Variants in STMN2 observed in about 807,000 individuals in gnomAD.
STMN2 encodes the protein stathmin-2.
Under a neutral mutation model 24.1 loss-of-function variants are expected in STMN2, and 2 were observed. The observed-to-expected ratio is 0.08, with a 90% CI of 0.03 to 0.26. The LOEUF is 0.26. Among genes scored for constraint, STMN2 ranks in the 10% least tolerant of loss-of-function variants. STMN2 has a pLI of 1.00. For missense variants in STMN2, 114 were observed against 213.6 expected, an observed-to-expected ratio of 0.53 and a Z score of 2.91; for synonymous variants, 83 against 77.5, an observed-to-expected ratio of 1.07 and a Z score of -0.37.
At chr8:79,655,180 T>C in intron 4 of STMN2, 118 bp downstream of exon 4, 1 of 1,126,832 alleles carries the variant, frequency 8.9e-7, no homozygotes, top group Non-Finnish European at 1.3e-6. Flanking sequence ...TGAGGACAAC[T>C]AACTCCCATG....
rs182488278 is a variant in STMN2, at chr8:79,639,736, T to C, written c.116-1642T>C. On this transcript the variant is annotated intron_variant, in intron 2 of 4. Transcript: ENST00000220876. ...AAAAATTGTATATGTTTGCGGTGTA[T>C]GGCATATTTTGAAATATGTATACAT... Among the ~76,000 whole-genome samples, 38 of 152,326 alleles carry C rather than the reference T, an allele frequency of 2.5e-4. No homozygotes were observed. The East Asian group carries it at 4.2e-3, about 17-fold the overall frequency.
chr8:79,660,803 C>T (rs1806485864), intron 4 of STMN2, among the ~76,000 whole-genome samples: 1 of 151,944 alleles, frequency 6.6e-6, no homozygotes, highest in Non-Finnish European at 1.5e-5. Flanking sequence ...CTCGCCCCCA[C>T]TCCCAACCTT....
chr8:79,613,369 C>T, intron 1 of STMN2: 1 of 985,210 alleles, frequency 1.0e-6, no homozygotes, highest in Non-Finnish European at 1.2e-6. Context: ...CGCGCCGCGC[C>T]CTGCGCTCCC....
At chr8:79,643,228 C>CTATA (rs34434345) in intron 3 of STMN2, among the ~76,000 whole-genome samples, 144 of 142,234 alleles carry the variant, frequency 1.0e-3, no homozygotes, top group African/African-American at 3.3e-3. Context: ...ACTAACTCGA[C>CTATA]TATATATATA....
chr8:79,616,641 A>G (rs1809387813), intron 1 of STMN2, among the ~76,000 whole-genome samples: 2 of 152,224 alleles, frequency 1.3e-5, no homozygotes, highest in Admixed American at 1.3e-4. Context: ...CTTGTAATAT[A>G]CAGGTATCCC....
chr8:79,621,104 A>G, intron 1 of STMN2: 2 of 893,354 alleles, frequency 2.2e-6, no homozygotes, highest in South Asian at 5.2e-5. Context: ...CTGGTGCTGC[A>G]TGGAAGGAAG....
intron 1 of STMN2, among the ~76,000 whole-genome samples, chr8:79,635,331 G>A (rs1167231116): frequency 6.6e-6 from 1 of 152,174 alleles, no homozygotes; most frequent in South Asian, 2.1e-4. Context: ...CGAGGGCTTT[G>A]GTGTGTGTAG....
chr8:79,640,541 C>G lies in STMN2; in HGVS notation c.116-837C>G, dbSNP rs553020629. 3.9e-5 allele frequency among the ~76,000 whole-genome samples: 6 copies of G among 152,328 alleles called. No homozygotes were observed. In the South Asian group the frequency reaches 1.0e-3, roughly 26 times the overall value. ...CCCTCCTCCACCACAGTGGCTCTAT[C>G]CCTGGCTCCTGGCTCCAGCCGAGTA... On this transcript the variant is annotated intron_variant, in intron 2 of 4. Transcript: ENST00000220876.
intron 3 of STMN2, among the ~76,000 whole-genome samples, chr8:79,651,987 C>A (rs961137187): frequency 1.1e-4 from 17 of 152,178 alleles, no homozygotes; most frequent in African/African-American, 3.9e-4. Flanking sequence ...GGAGGAGGAG[C>A]AGGAAGGAAT....
intron 1 of STMN2, among the ~76,000 whole-genome samples, chr8:79,616,169 C>T (rs1809377889): frequency 6.6e-6 from 1 of 152,094 alleles, no homozygotes; most frequent in Non-Finnish European, 1.5e-5. Context: ...TTATTTTTCC[C>T]ATCTTCTAAG....
chr8:79,624,475 A>AAAAAAAAAAAG (rs1809604532), intron 1 of STMN2, among the ~76,000 whole-genome samples: 1 of 140,106 alleles, frequency 7.1e-6, no homozygotes, highest in Non-Finnish European at 1.5e-5. Context: ...AAAAAAAAAA[A>AAAAAAAAAAAG]AAAGAAAGAA....
At chr8:79,644,918 G>A (rs767366227) in intron 3 of STMN2, among the ~76,000 whole-genome samples, 4 of 152,142 alleles carry the variant, frequency 2.6e-5, no homozygotes, top group Admixed American at 6.6e-5. Context: ...ACTTTGGGAC[G>A]CCGAGGCAGG....
At chr8:79,640,639 C>T (rs911204036) in intron 2 of STMN2, among the ~76,000 whole-genome samples, 6 of 152,132 alleles carry the variant, frequency 3.9e-5, no homozygotes, top group Admixed American at 6.5e-5. Flanking sequence ...GTCTTATTGC[C>T]CCCATTAGAC....
Position 79,629,142 on chromosome 8 carries a change from G to A in STMN2, c.20-7660G>A, listed in dbSNP as rs529398833. The stretch of plus-strand genomic sequence containing the variant: ...TAATTACACTGTAGAACAATAGGAC[G>A]ATGCTTCACACTCACCTCACAGGCT... On this transcript the variant is annotated intron_variant, in intron 1 of 4. Transcript: ENST00000220876. Among the ~76,000 whole-genome samples the A allele has an allele frequency of 1.7e-4, 26 of 152,238 alleles. No homozygotes were observed. In the South Asian group the frequency reaches 4.4e-3, roughly 26 times the overall value.
rs571007615 is a variant in STMN2 at position 79,627,084 on chromosome 8, CT to C, written c.20-9717del. 1.8e-4 allele frequency among the ~76,000 whole-genome samples: 27 copies of C among 152,270 alleles called. No homozygotes were observed. In the East Asian group the frequency reaches 5.2e-3, roughly 29 times the overall value. On this transcript the variant is annotated intron_variant, in intron 1 of 4. Coordinates refer to ENST00000220876, the MANE Select transcript of STMN2 (RefSeq NM_007029.4). ...CACCACATTCTAATGTATATATCCT[CT>C]GTTTGGCCCTTCCTATTAATATTTT...
At chr8:79,658,305 C>G (rs1806420540) in intron 4 of STMN2, among the ~76,000 whole-genome samples, 1 of 151,928 alleles carries the variant, frequency 6.6e-6, no homozygotes, top group Admixed American at 6.6e-5. Flanking sequence ...GACCCTGTCT[C>G]TAAAATAAAA....
chr8:79,613,360 G>T (rs1477065477), intron 1 of STMN2: 3 of 984,396 alleles, frequency 3.0e-6, no homozygotes, highest in Non-Finnish European at 3.6e-6. Context: ...GCAGAGCCCC[G>T]CGCCGCGCCC....
rs144307702 is a variant in STMN2, at chr8:79,640,723, T to G, written c.116-655T>G. ...TCCCTGGAGTGGGCACTGTGCATGATTGATGACTGGAAGCAATGAACATAC... is the reference window on the plus strand; with the variant it reads ...TCCCTGGAGTGGGCACTGTGCATGAGTGATGACTGGAAGCAATGAACATAC... On this transcript the variant is annotated intron_variant, in intron 2 of 4. Coordinates refer to ENST00000220876, the MANE Select transcript of STMN2 (RefSeq NM_007029.4). 1.8e-4 allele frequency among the ~76,000 whole-genome samples: 27 copies of G among 152,304 alleles called. No homozygotes were observed. In the East Asian group the frequency reaches 5.2e-3, roughly 29 times the overall value.
chr8:79,644,300 G>A (rs1202064260), intron 3 of STMN2, among the ~76,000 whole-genome samples: 1 of 152,208 alleles, frequency 6.6e-6, no homozygotes, highest in Non-Finnish European at 1.5e-5. Context: ...TTCTTTCAGT[G>A]CCTGTCATCT....
Sources: allele counts gnomAD v4.1 joint callset (sites outside exome capture counted in the v4.1 genomes callset), GRCh38; gene constraint gnomAD v4.1.1; transcripts MANE v1.5; gene names NCBI Gene and HGNC (gene_info 2026-07-23, HGNC 2026-07-21).